The following BRCA2 variants were observed in gnomAD, a reference collection of about 807,000 sequenced individuals.
BRCA2 encodes breast cancer type 2 susceptibility protein.
Under a neutral mutation model 276.7 loss-of-function variants are expected in BRCA2, and 203 were observed. The observed-to-expected ratio is 0.73, with a 90% CI of 0.65 to 0.82. The LOEUF (loss-of-function observed/expected upper bound fraction) is 0.82. Ranked by LOEUF, BRCA2 falls within the 40% of genes least tolerant of loss-of-function variation. The pLI, the probability that BRCA2 is intolerant of heterozygous loss-of-function variation, is 0.00. For synonymous variants in BRCA2, 1,289 were observed against 1,338.4 expected (o/e 0.96, Z 0.81); for missense variants, 3,920 against 3,915.0 (o/e 1.00, Z -0.03).
intron 11 of BRCA2, 29 bp from the exon 12 acceptor site, chr13:32,344,529 A>T (rs2072596559): frequency 2.1e-6 from 3 of 1,412,180 alleles, no homozygotes; most frequent in Non-Finnish European, 2.0e-6. Flanking sequence ...TATTTGCCTT[A>T]AAAACATATA....
At chr13:32,368,598 T>C (rs1441142801) in intron 18 of BRCA2, among the ~76,000 whole-genome samples, 2 of 152,012 alleles carry the variant, frequency 1.3e-5, no homozygotes, top group Non-Finnish European at 2.9e-5. Flanking sequence ...GATCATTCAC[T>C]GATCCAGAAG....
intron 24 of BRCA2, among the ~76,000 whole-genome samples, chr13:32,390,710 A>G (rs1265883498): frequency 2.6e-5 from 4 of 152,142 alleles, no homozygotes; most frequent in Non-Finnish European, 1.5e-5. Flanking sequence ...CACTTGTCAC[A>G]TGGTCCATGA....
chr13:32,315,217 AAAAG>A (rs1458311977), upstream of BRCA2: 1 of 152,552 alleles, frequency 6.6e-6, no homozygotes, highest in Admixed American at 6.5e-5. Context: ...AGCTGGAGCA[AAAAG>A]AAAGGGATGG....
At chr13:32,316,664 CA>C in intron 2 of BRCA2, 137 bp downstream of exon 2, 1 of 767,010 alleles carries the variant, frequency 1.3e-6, no homozygotes, top group Non-Finnish European at 2.2e-6. Context: ...ATCCAGTTAA[CA>C]ACATAATCAT....
At chr13:32,352,442 G>A (rs2072659385) in intron 13 of BRCA2, among the ~76,000 whole-genome samples, 1 of 152,088 alleles carries the variant, frequency 6.6e-6, no homozygotes, top group South Asian at 2.1e-4. Context: ...CTGGGAACCA[G>A]ACATGAAAAC....
rs80359064 is a variant in BRCA2, at chr13:32,363,379, A to G, written c.8177A>G (p.Tyr2726Cys). 5 of 1,614,094 alleles carry G rather than the reference A, an allele frequency of 3.1e-6. No homozygotes were observed. Among genetic ancestry groups the G allele is most frequent in the South Asian group, 1.1e-5 (1 of 91,092 alleles). Reference sequence around the variant, plus strand: ...ATTATTGAACTTACAGATGGGTGGTATGCTGTTAAGGCCCAGTTAGATCCT... The same window carrying G: ...ATTATTGAACTTACAGATGGGTGGTGTGCTGTTAAGGCCCAGTTAGATCCT... ...VAIIELTDGW[Y>C]AVKAQLDPPL... is the part of the protein sequence containing the mutation. Residue 2726 changes from tyrosine to cysteine, a missense_variant, in exon 18 of 27, where the codon TAT (tyrosine) becomes TGT (cysteine). Transcript: ENST00000380152.
rs1389845334 is a variant in BRCA2 at position 32,332,269 on chromosome 13, C to G, written c.794-3C>G. On this transcript the variant is annotated splice_polypyrimidine_tract_variant and splice_region_variant and intron_variant, in intron 9 of 26. Coordinates refer to ENST00000380152, the MANE Select transcript of BRCA2 (RefSeq NM_000059.4). ...AATGTGCTTCTGTTTTATACTTTAA[C>G]AGGATTTGGAAAAACATCAGGGAAT... 2 of 1,595,992 alleles carry G rather than the reference C, an allele frequency of 1.3e-6. No individual in the cohort carries two copies. Among genetic ancestry groups the G allele is most frequent in the Admixed American group, 1.7e-5 (1 of 58,052 alleles).
intron 16 of BRCA2, among the ~76,000 whole-genome samples, chr13:32,358,410 A>G (rs1473005504): frequency 2.0e-5 from 3 of 150,452 alleles, no homozygotes; most frequent in Non-Finnish European, 4.4e-5. Context: ...TGGGAGGCAG[A>G]GGTTGCAGTG....
chr13:32,352,532 A>C (rs1429384747), intron 13 of BRCA2, among the ~76,000 whole-genome samples: 1 of 152,228 alleles, frequency 6.6e-6, no homozygotes, highest in African/African-American at 2.4e-5. Context: ...AGCTAATCAC[A>C]TGACTGCTCA....
At chr13:32,361,797 G>A (rs75167858) in intron 16 of BRCA2, among the ~76,000 whole-genome samples, 3 of 152,078 alleles carry the variant, frequency 2.0e-5, no homozygotes, top group Non-Finnish European at 4.4e-5. Context: ...TGTTGTCTTA[G>A]TGCTAAGAGT....
intron 18 of BRCA2, among the ~76,000 whole-genome samples, chr13:32,366,559 C>G (rs1415295133): frequency 6.6e-6 from 1 of 152,154 alleles, no homozygotes; most frequent in Non-Finnish European, 1.5e-5. Context: ...CAGTGGCTCA[C>G]ACCTATAATC....
At position 32,337,874 on chromosome 13, in the gene BRCA2, T is replaced by C. The variant is rs1555283271; in HGVS notation, c.3519T>C (p.Ile1173=). 1 of 1,614,106 alleles carries C rather than the reference T, an allele frequency of 6.2e-7. No homozygotes were observed. The highest frequency in any genetic ancestry group is 8.5e-7 in the Non-Finnish European group (1 of 1,179,978). ...ATGTCATAATGAATGCCCCATCGAT[T>C]GGTCAGGTAGACAGCAGCAAGCAAT... is the stretch of plus-strand genomic sequence containing the variant. ...DLHVIMNAPS[I]GQVDSSKQFE... The change falls in exon 11 of 27, where the codon ATT becomes ATC. Residue 1173 remains isoleucine, a synonymous_variant. Coordinates refer to ENST00000380152, the MANE Select transcript of BRCA2 (RefSeq NM_000059.4).
chr13:32,356,370 A>G, intron 14 of BRCA2, 58 bp from the exon 15 acceptor site: 2 of 1,553,140 alleles, frequency 1.3e-6, no homozygotes, highest in South Asian at 2.2e-5. Context: ...GTGCCTGGCC[A>G]GGGGTTGTGC....
rs81002869 is a variant in BRCA2, at chr13:32,379,922, C to T, written c.9117+9C>T. ...AGTATCAACAACTACCGGTACAAAC[C>T]TTTCATTGTAATTTTTCAGTTTTGA... On this transcript the variant is annotated intron_variant, in intron 23 of 26. Coordinates refer to ENST00000380152, the MANE Select transcript of BRCA2 (RefSeq NM_000059.4). 3 of 1,613,096 alleles carry T rather than the reference C, an allele frequency of 1.9e-6. No homozygotes were observed. Among genetic ancestry groups the T allele is most frequent in the Non-Finnish European group, 2.5e-6 (3 of 1,179,388 alleles).
chr13:32,343,944 A>G (rs138440550), intron 11 of BRCA2, among the ~76,000 whole-genome samples: 313 of 152,284 alleles, frequency 2.1e-3, no homozygotes, highest in Non-Finnish European at 3.6e-3. Context: ...TAAAGCATCA[A>G]AAAGCAAAGT....
intron 3 of BRCA2, among the ~76,000 whole-genome samples, chr13:32,322,981 A>T (rs11571600): frequency 6.6e-6 from 1 of 152,160 alleles, no homozygotes; most frequent in Admixed American, 6.5e-5. Context: ...GTTTAGTTTT[A>T]TGAGAAACTA....
At chr13:32,373,967 G>A (rs1008801362) in intron 20 of BRCA2, among the ~76,000 whole-genome samples, 1 of 152,220 alleles carries the variant, frequency 6.6e-6, no homozygotes, top group Non-Finnish European at 1.5e-5. Flanking sequence ...CTAGGCAGAG[G>A]CTCCCACAGC....
In BRCA2 at chr13:32,376,911, T is replaced by A. The variant is rs56349209; in HGVS notation, c.8754+120T>A. 14 of 1,412,798 alleles carry A rather than the reference T, an allele frequency of 9.9e-6. No individual in the cohort carries two copies. In the East Asian group the frequency reaches 3.0e-4, roughly 30 times the overall value. The allele number at this position is 1,412,798 out of a possible 1,614,324, so 87.5% of individuals were successfully genotyped here. A position where few individuals can be genotyped will look rare whatever the true frequency, so the allele number is the denominator to read the frequency against. Reference sequence around the variant, plus strand: ...GAAATGCTGCATTTCTCAAAAGGGATGTGTACATTTCTGGGATTTTCAGTG... The same window carrying A: ...GAAATGCTGCATTTCTCAAAAGGGAAGTGTACATTTCTGGGATTTTCAGTG... On this transcript the variant is annotated intron_variant, in intron 21 of 26. Coordinates refer to ENST00000380152, the MANE Select transcript of BRCA2 (RefSeq NM_000059.4).
At chr13:32,369,579 T>A (rs537313648) in intron 18 of BRCA2, among the ~76,000 whole-genome samples, 3 of 152,250 alleles carry the variant, frequency 2.0e-5, no homozygotes, top group Admixed American at 2.0e-4. Context: ...ATAATTTGTT[T>A]GTTTGTTTTT....
Sources: allele counts gnomAD v4.1 joint callset (sites outside exome capture counted in the v4.1 genomes callset), GRCh38; gene constraint gnomAD v4.1.1; transcripts MANE v1.5; gene names NCBI Gene and HGNC (gene_info 2026-07-23, HGNC 2026-07-21).